NEBL: variants seen among roughly 807,000 people sequenced by gnomAD.
The protein encoded by NEBL is LIM and SH3 protein 2.
A neutral mutation model predicts 140.2 loss-of-function variants in NEBL; 122 were observed. That is an observed-to-expected ratio of 0.87 (90% confidence interval 0.75 to 1.01). The LOEUF (loss-of-function observed/expected upper bound fraction) is 1.01. NEBL is among the 50% of genes least tolerant of loss of function. The pLI, the probability that NEBL is intolerant of heterozygous loss-of-function variation, is 0.00. For missense variants in NEBL, 1,365 were observed against 1,231.3 expected, an observed-to-expected ratio of 1.11 and a Z score of -1.62; for synonymous variants, 436 against 398.9, an observed-to-expected ratio of 1.09 and a Z score of -1.11.
intron 3 of NEBL, among the ~76,000 whole-genome samples, chr10:20,969,947 A>G (rs979595868): frequency 6.6e-5 from 10 of 152,166 alleles, no homozygotes; most frequent in African/African-American, 1.9e-4. Context: ...CTCAGAAATT[A>G]CACAAACTTG....
At chr10:21,013,169 C>T (rs1361267447) in intron 3 of NEBL, among the ~76,000 whole-genome samples, 13 of 152,172 alleles carry the variant, frequency 8.5e-5, no homozygotes, top group African/African-American at 2.9e-4. Flanking sequence ...CTGCTTAGCA[C>T]GCTGTGCTCC....
chr10:20,826,548 T>C lies in NEBL; in HGVS notation c.1777-9A>G. 1.3e-6 allele frequency: 2 copies of C among 1,588,630 alleles called. No individual in the cohort carries two copies. The highest frequency in any genetic ancestry group is 1.3e-5 in the African/African-American group (1 of 74,494). ...TCTTTCTTATAAAATACCTTTATTATAAGAAAAGGAAAAGAATAACTAAGC... is the reference window on the plus strand; with the variant it reads ...TCTTTCTTATAAAATACCTTTATTACAAGAAAAGGAAAAGAATAACTAAGC... On this transcript the variant is annotated splice_polypyrimidine_tract_variant and intron_variant, in intron 17 of 27. Transcript: ENST00000377122.
chr10:20,935,468 G>A (rs1402034498), intron 4 of NEBL, among the ~76,000 whole-genome samples: 2 of 152,214 alleles, frequency 1.3e-5, no homozygotes, highest in South Asian at 4.2e-4. Flanking sequence ...ACACCCCCAA[G>A]AACATGCTCC....
chr10:20,975,184 T>A (rs563060321), intron 3 of NEBL, among the ~76,000 whole-genome samples: 1 of 152,328 alleles, frequency 6.6e-6, no homozygotes, highest in South Asian at 2.1e-4. Flanking sequence ...GTTTTCTTTG[T>A]AATGTAGATA....
At chr10:20,972,118 T>G (rs1483052329) in intron 3 of NEBL, among the ~76,000 whole-genome samples, 2 of 152,176 alleles carry the variant, frequency 1.3e-5, no homozygotes, top group African/African-American at 2.4e-5. Flanking sequence ...CCTAACTAGC[T>G]TAAAGAAACA....
At chr10:21,225,440 A>G (rs1842132109) in intron 3 of NEBL, among the ~76,000 whole-genome samples, 1 of 152,130 alleles carries the variant, frequency 6.6e-6, no homozygotes, top group African/African-American at 2.4e-5. Flanking sequence ...GCAAGTGGAG[A>G]AGCCAGCCAG....
rs764211161 is a variant in NEBL, at chr10:20,812,744, C to T, written c.2518+25G>A. On this transcript the variant is annotated intron_variant, in intron 24 of 27. Coordinates refer to ENST00000377122, the MANE Select transcript of NEBL (RefSeq NM_006393.3). ...GCATGATCTTTTCGACCACACACAC[C>T]GGCCGACAAACGCCGTCAGCTTACC... 33 of 1,613,100 alleles carry T rather than the reference C, an allele frequency of 2.0e-5. No individual in the cohort carries two copies. The Admixed American group carries it at 2.3e-4, about 11-fold the overall frequency.
intron 3 of NEBL, among the ~76,000 whole-genome samples, chr10:20,969,835 G>A (rs1190666722): frequency 2.0e-5 from 3 of 152,036 alleles, no homozygotes; most frequent in East Asian, 1.9e-4. Context: ...GTGAGCCACC[G>A]TGCCTGGCCC....
intron 9 of NEBL, among the ~76,000 whole-genome samples, chr10:20,857,349 T>A (rs1420012206): frequency 6.6e-6 from 1 of 152,172 alleles, no homozygotes; most frequent in Non-Finnish European, 1.5e-5. Context: ...TTTCTAAGTC[T>A]AGGCCCATCA....
intron 2 of NEBL, among the ~76,000 whole-genome samples, chr10:21,116,725 A>G (rs1338040236): frequency 3.3e-5 from 5 of 152,050 alleles, no homozygotes; most frequent in Non-Finnish European, 7.4e-5. Context: ...GCTGGAGTGA[A>G]GTGGCACAAT....
chr10:20,885,768 G>A (rs893077753), intron 4 of NEBL, among the ~76,000 whole-genome samples: 4 of 152,102 alleles, frequency 2.6e-5, no homozygotes, highest in Non-Finnish European at 5.9e-5. Context: ...ATCAAGTGTT[G>A]GGTTGTAATT....
chr10:21,105,417 A>G (rs1837668103), intron 2 of NEBL, among the ~76,000 whole-genome samples: 1 of 151,590 alleles, frequency 6.6e-6, no homozygotes. Flanking sequence ...ACTTCCACCT[A>G]TAAGTGAGAA....
intron 10 of NEBL, among the ~76,000 whole-genome samples, chr10:20,850,714 A>T (rs996396219): frequency 4.6e-5 from 7 of 152,240 alleles, no homozygotes; most frequent in African/African-American, 1.7e-4. Flanking sequence ...AAAATAATTT[A>T]GAACAACTAA....
chr10:20,904,360 C>T (rs1414935391), intron 4 of NEBL, among the ~76,000 whole-genome samples: 1 of 152,050 alleles, frequency 6.6e-6, no homozygotes, highest in African/African-American at 2.4e-5. Flanking sequence ...CTTATGGGTA[C>T]CCTCATTTAT....
At chr10:20,912,868 T>C (rs1038309949) in intron 4 of NEBL, among the ~76,000 whole-genome samples, 13 of 150,944 alleles carry the variant, frequency 8.6e-5, no homozygotes, top group South Asian at 2.1e-4. Context: ...ATGGGGGCCA[T>C]AGTATGCCAA....
chr10:21,275,871 T>C (rs1842916662), intron 1 of NEBL, among the ~76,000 whole-genome samples: 1 of 148,470 alleles, frequency 6.7e-6, no homozygotes, highest in Non-Finnish European at 1.5e-5. Context: ...TTGGTCAGGC[T>C]GGTCTTGAAT....
At chr10:21,114,495 G>T (rs934814136) in intron 2 of NEBL, among the ~76,000 whole-genome samples, 1 of 151,954 alleles carries the variant, frequency 6.6e-6, no homozygotes, top group African/African-American at 2.4e-5. Context: ...CTGTCTATTT[G>T]TTCTACCAAT....
Position 21,062,687 on chromosome 10 carries a change from T to TAAA in NEBL, c.165-42489_165-42487dup, listed in dbSNP as rs555454449. Among the ~76,000 whole-genome samples, 22 of 144,546 alleles carry TAAA rather than the reference T, an allele frequency of 1.5e-4. No homozygotes were observed. The South Asian group carries it at 4.6e-3, about 30-fold the overall frequency. The allele number at this position is 144,546 out of a possible 152,430, so 94.8% of individuals were successfully genotyped here. A position where few individuals can be genotyped will look rare whatever the true frequency, so the allele number is the denominator to read the frequency against. On this transcript the variant is annotated intron_variant, in intron 2 of 6. Coordinates refer to the NEBL transcript ENST00000417816. ...GGGTGACAGAGTGAGATCCTGTCTC[T>TAAA]AAAAAAAAAAGGAAAGAAAGAAACT...
At chr10:21,078,854 T>C (rs1351440204) in intron 2 of NEBL, among the ~76,000 whole-genome samples, 1 of 152,210 alleles carries the variant, frequency 6.6e-6, no homozygotes, top group African/African-American at 2.4e-5. Context: ...GCTTATTAGC[T>C]GGCTGCCACT....
Sources: allele counts gnomAD v4.1 joint callset (sites outside exome capture counted in the v4.1 genomes callset), GRCh38; gene constraint gnomAD v4.1.1; transcripts MANE v1.5; gene names NCBI Gene and HGNC (gene_info 2026-07-23, HGNC 2026-07-21).